Variants in TEX2 observed in about 807,000 individuals in gnomAD.
TEX2 encodes testis expressed 2.
TEX2 carries 53 observed loss-of-function variants against 106.9 expected under a neutral mutation model. The ratio of observed to expected loss-of-function variants is 0.50; its 90% CI spans 0.40 to 0.62. The LOEUF (loss-of-function observed/expected upper bound fraction) is 0.62. TEX2 is among the 20% of genes least tolerant of loss of function. The pLI is 0.00. For synonymous variants in TEX2, 523 were observed against 534.8 expected (o/e 0.98, Z 0.30); for missense variants, 1,207 against 1,379.0 (o/e 0.88, Z 1.98).
At chr17:64,235,921 G>A (rs2033756717) in intron 1 of TEX2, among the ~76,000 whole-genome samples, 1 of 151,884 alleles carries the variant, frequency 6.6e-6, no homozygotes, top group South Asian at 2.1e-4. Context: ...TATCAGATGA[G>A]CTTTCCTATG....
rs2031657523 is a variant in TEX2, at chr17:64,177,366, G to C, written c.2530C>G (p.Leu844Val). The stretch of plus-strand genomic sequence containing the variant: ...TTCATTTGGATCTTCTTAGACACCA[G>C]ATCAGACCAGTATTTCTCTCCTAAG... The part of the protein sequence containing the change: ...DFLGEKYWSD[L>V]VSKKIQMKLS... Residue 844 changes from leucine (L) to valine (V), a missense_variant, in exon 6 of 12, where the codon CTG becomes GTG. By Grantham distance (32) the Leu-to-Val change is conservative. Transcript: ENST00000584379. The C allele has an allele frequency of 1.2e-6, 2 of 1,614,076 alleles. No individual in the cohort carries two copies. The highest frequency in any genetic ancestry group is 2.7e-5 in the African/African-American group (2 of 74,930).
intron 4 of TEX2, among the ~76,000 whole-genome samples, chr17:64,192,274 C>T (rs543812851): frequency 6.6e-6 from 1 of 152,316 alleles, no homozygotes; most frequent in East Asian, 1.9e-4. Context: ...TTGTAGATGC[C>T]ATTCATTAAA....
chr17:64,195,568 C>T lies in TEX2; in HGVS notation c.1645-473G>A, dbSNP rs1008460699. ...CAGGACTCAGAGAACTACCTCTCCA[C>T]TTCTGTTGCACTACAATATGTACCT... On this transcript the variant is annotated intron_variant, in intron 2 of 11. Coordinates refer to ENST00000584379, the MANE Select transcript of TEX2 (RefSeq NM_001288732.2). The surrounding 1 kb of genome is among the most constrained non-coding windows in gnomAD (Gnocchi z 4.1). Among the ~76,000 whole-genome samples, 7 of 152,308 alleles carry T rather than the reference C, an allele frequency of 4.6e-5. No homozygotes were observed. Among genetic ancestry groups the T allele is most frequent in the Admixed American group, 1.3e-4 (2 of 15,296 alleles).
At chr17:64,231,658 C>T in intron 1 of TEX2, among the ~76,000 whole-genome samples, 1 of 152,184 alleles carries the variant, frequency 6.6e-6, no homozygotes, top group East Asian at 1.9e-4. Flanking sequence ...GAGGTGAGAA[C>T]TGAATAGGTC....
At chr17:64,155,170 ACT>A in intron 8 of TEX2, 1 of 501,808 alleles carries the variant, frequency 2.0e-6, no homozygotes, top group South Asian at 6.6e-5. Context: ...TGCTCAGGAC[ACT>A]CTTCAGCACC....
intron 10 of TEX2, among the ~76,000 whole-genome samples, chr17:64,152,038 A>G (rs1259498451): frequency 6.6e-6 from 1 of 152,228 alleles, no homozygotes; most frequent in Non-Finnish European, 1.5e-5. Context: ...TTAAATGGTT[A>G]GTCAATTCAA....
chr17:64,153,209 CA>C lies in TEX2; in HGVS notation c.2931-56del. The stretch of plus-strand genomic sequence containing the variant: ...GCACAAACTTTGCTCTTTTCACAGA[CA>C]AAAACCTGTGGCTCTTCGTTCCCCT... On this transcript the variant is annotated intron_variant, in intron 9 of 11. Transcript: ENST00000584379. This position sits in a 1 kb window ranked among gnomAD's most constrained non-coding sequence, Gnocchi z 4.1. The C allele has an allele frequency of 7.9e-7, 1 of 1,268,114 alleles. No homozygotes were observed. Among genetic ancestry groups the C allele is most frequent in the East Asian group, 2.3e-5 (1 of 43,238 alleles). The allele number at this position is 1,268,114 out of a possible 1,614,324, so 78.6% of individuals were successfully genotyped here.
rs756010833 is a variant in TEX2, at chr17:64,188,402, T to C, written c.2190A>G (p.Ala730=). Residue 730 remains alanine, a synonymous_variant, in exon 5 of 12, where the codon GCA becomes GCG. Coordinates refer to ENST00000584379, the MANE Select transcript of TEX2 (RefSeq NM_001288732.2). ...CGGACGGACTGTTGTGTCTGCTGTG[T>C]GCAGGCAAAAGCCCTGGAGCCAAGA... ...VSGGKPGLLP[A]HSRHNSPSGH... 8.1e-6 allele frequency: 13 copies of C among 1,614,088 alleles called. No homozygotes were observed. The highest frequency in any genetic ancestry group is 1.0e-5 in the Non-Finnish European group (12 of 1,180,044).
rs1479504723 is a variant in TEX2 at position 64,217,899 on chromosome 17, G to A, written c.-25-3657C>T. On this transcript the variant is annotated intron_variant, in intron 1 of 11. Transcript: ENST00000584379. The surrounding 1 kb of genome is among the most constrained non-coding windows in gnomAD (Gnocchi z 4.3). ...ATAGGTATGATTTCGTGCTGGAGAG[G>A]TGTTTAAGCAAAAGTCTGACATGAT... Among the ~76,000 whole-genome samples the A allele has an allele frequency of 1.3e-5, 2 of 152,148 alleles. No individual in the cohort carries two copies. Among genetic ancestry groups the A allele is most frequent in the African/African-American group, 4.8e-5 (2 of 41,432 alleles).
intron 1 of TEX2, among the ~76,000 whole-genome samples, chr17:64,222,697 C>G (rs1342506349): frequency 6.6e-6 from 1 of 152,032 alleles, no homozygotes; most frequent in Non-Finnish European, 1.5e-5. Flanking sequence ...ATACTCTGAA[C>G]CACTTGTTAT....
chr17:64,209,910 C>T (rs1393102008), intron 2 of TEX2, among the ~76,000 whole-genome samples: 1 of 152,124 alleles, frequency 6.6e-6, no homozygotes, highest in Non-Finnish European at 1.5e-5. Flanking sequence ...TCCATCGGCA[C>T]CCTGTGTAGT....
chr17:64,203,852 A>T (rs958999736), intron 2 of TEX2, among the ~76,000 whole-genome samples: 5 of 152,220 alleles, frequency 3.3e-5, no homozygotes, highest in Admixed American at 3.3e-4. Flanking sequence ...GTGACACTAG[A>T]AGCACTGGAG....
intron 1 of TEX2, among the ~76,000 whole-genome samples, chr17:64,250,192 G>A (rs148263746): frequency 3.9e-5 from 6 of 152,316 alleles, no homozygotes; most frequent in Admixed American, 6.5e-5. Flanking sequence ...GGGACTAACC[G>A]TCAAGCAGTC....
At chr17:64,150,485 C>T (rs2143581724) in intron 11 of TEX2, 1 of 157,990 alleles carries the variant, frequency 6.3e-6, no homozygotes, top group South Asian at 1.9e-4. Flanking sequence ...GGGGCAGCCT[C>T]CCTGCCCACA....
intron 1 of TEX2, among the ~76,000 whole-genome samples, chr17:64,247,419 G>A (rs868931193): frequency 1.4e-4 from 21 of 152,322 alleles, no homozygotes; most frequent in African/African-American, 4.3e-4. Context: ...TAAGAAAACT[G>A]AAGGAGAAAA....
intron 1 of TEX2, 24 bp from the exon 2 acceptor site, chr17:64,214,266 GA>G: frequency 6.4e-7 from 1 of 1,563,080 alleles, no homozygotes; most frequent in Non-Finnish European, 8.7e-7. Flanking sequence ...GAGAAAACCA[GA>G]AGTCAGAGAG....
chr17:64,210,602 T>C (rs2032967996), intron 2 of TEX2, among the ~76,000 whole-genome samples: 1 of 149,230 alleles, frequency 6.7e-6, no homozygotes, highest in Non-Finnish European at 1.5e-5. Context: ...AATATTATTT[T>C]GGATCCTAAA....
chr17:64,221,336 C>T (rs1427120642), intron 1 of TEX2, among the ~76,000 whole-genome samples: 3 of 152,112 alleles, frequency 2.0e-5, no homozygotes, highest in Non-Finnish European at 4.4e-5. Flanking sequence ...AAGTCCTGCA[C>T]ATGTATCCTG....
At chr17:64,248,730 T>C (rs1555636550) in intron 1 of TEX2, among the ~76,000 whole-genome samples, 1 of 150,568 alleles carries the variant, frequency 6.6e-6, no homozygotes, top group Non-Finnish European at 1.5e-5. Flanking sequence ...TGTACCCACA[T>C]TGACAGAAAT....
Sources: gnomAD v4.1 joint callset for allele counts (sites outside exome capture counted in the v4.1 genomes callset) on GRCh38, gnomAD v4.1.1 for gene constraint, Gnocchi (gnomAD v3.1) non-coding constraint, MANE v1.5 for transcripts, NCBI Gene and HGNC (gene_info 2026-07-23, HGNC 2026-07-21) for gene names.